Variants in LPP observed in about 807,000 individuals in gnomAD.
LPP encodes LIM domain containing preferred translocation partner in lipoma, also known as lipoma-preferred partner.
A neutral mutation model predicts 60.4 loss-of-function variants in LPP; 38 were observed. The ratio of observed to expected loss-of-function variants is 0.63; its 90% CI spans 0.49 to 0.83. The LOEUF is 0.83. Among genes scored for constraint, LPP ranks in the 40% least tolerant of loss-of-function variants. LPP has a pLI of 0.00. For synonymous variants in LPP, 328 were observed against 290.8 expected, an observed-to-expected ratio of 1.13 and a Z score of -1.30; for missense variants, 902 against 783.6, an observed-to-expected ratio of 1.15 and a Z score of -1.80.
intron 10 of LPP, among the ~76,000 whole-genome samples, chr3:188,869,232 C>T (rs924332862): frequency 1.3e-5 from 2 of 152,070 alleles, no homozygotes; most frequent in African/African-American, 4.8e-5. Flanking sequence ...ATACAGGAGA[C>T]CCATAAGAAG....
At chr3:188,820,453 A>T (rs57777732) in intron 9 of LPP, among the ~76,000 whole-genome samples, 11,867 of 152,170 alleles carry the variant, frequency 0.078, 566 homozygotes, top group African/African-American at 0.13. Flanking sequence ...ATCTGTGTGA[A>T]TCTGTGTGCA....
In LPP at chr3:188,202,427, G is replaced by C. The variant is rs945207291; in HGVS notation, c.-189-22978G>C. ...ACTTGCTGACACCGAAGAGAGATGTGAAAAAGAGAGATTCTTGCATGGACT... is the reference window on the plus strand; with the variant it reads ...ACTTGCTGACACCGAAGAGAGATGTCAAAAAGAGAGATTCTTGCATGGACT... On this transcript the variant is annotated intron_variant, in intron 1 of 11. Coordinates refer to ENST00000617246, the MANE Select transcript of LPP (RefSeq NM_001375462.1). Among the ~76,000 whole-genome samples the C allele has an allele frequency of 3.9e-5, 6 of 152,160 alleles. No individual in the cohort carries two copies. The South Asian group carries it at 8.3e-4, about 21-fold the overall frequency.
At chr3:188,388,154 A>G (rs544055683) in intron 3 of LPP, among the ~76,000 whole-genome samples, 1 of 152,262 alleles carries the variant, frequency 6.6e-6, no homozygotes, top group South Asian at 2.1e-4. Context: ...GAAACATTTT[A>G]GTGAGAATTG....
At chr3:188,338,071 A>G (rs1020436699) in intron 2 of LPP, among the ~76,000 whole-genome samples, 1 of 152,226 alleles carries the variant, frequency 6.6e-6, no homozygotes, top group Admixed American at 6.5e-5. Context: ...GGCCAAAGCA[A>G]TTTACTTTTA....
intron 9 of LPP, among the ~76,000 whole-genome samples, chr3:188,858,994 C>T (rs1764510469): frequency 1.4e-5 from 2 of 147,902 alleles, no homozygotes; most frequent in Non-Finnish European, 3.0e-5. Flanking sequence ...GAGGCTGAGG[C>T]AGGAGAATCG....
At chr3:188,643,231 G>A (rs756770053) in intron 7 of LPP, among the ~76,000 whole-genome samples, 15 of 152,172 alleles carry the variant, frequency 9.9e-5, no homozygotes, top group Non-Finnish European at 2.2e-4. Context: ...GGGCCACACA[G>A]TTAGGTTGCT....
chr3:188,430,917 CT>C (rs113945445), intron 4 of LPP, among the ~76,000 whole-genome samples: 11 of 151,448 alleles, frequency 7.3e-5, no homozygotes, highest in South Asian at 2.1e-4. Flanking sequence ...ACATAATTAA[CT>C]TTTTTTTTCT....
chr3:188,602,174 T>C (rs4686981), intron 6 of LPP, among the ~76,000 whole-genome samples: 1 of 98,592 alleles, frequency 1.0e-5, no homozygotes, highest in African/African-American at 3.1e-5. Context: ...AATATATATA[T>C]ATTATATATA....
At chr3:188,440,424 G>A (rs1051774096) in intron 4 of LPP, among the ~76,000 whole-genome samples, 15 of 152,044 alleles carry the variant, frequency 9.9e-5, no homozygotes, top group South Asian at 2.1e-4. Flanking sequence ...ATCTTACAAA[G>A]CAGTAGCATT....
intron 6 of LPP, among the ~76,000 whole-genome samples, chr3:188,537,988 A>G (rs1305966380): frequency 6.6e-6 from 1 of 152,202 alleles, no homozygotes; most frequent in Non-Finnish European, 1.5e-5. Flanking sequence ...ACGTTCAAAC[A>G]GGGAAAAAAT....
intron 6 of LPP, among the ~76,000 whole-genome samples, chr3:188,555,210 G>C (rs1379172119): frequency 2.0e-5 from 3 of 152,106 alleles, no homozygotes; most frequent in Admixed American, 6.6e-5. Context: ...AGCCAAGGGT[G>C]CCTGAAGCCA....
chr3:188,454,091 C>A (rs181392664), intron 4 of LPP, among the ~76,000 whole-genome samples: 2 of 152,192 alleles, frequency 1.3e-5, no homozygotes, highest in African/African-American at 4.8e-5. Context: ...AAAATTTCTG[C>A]AAGGCAGGTA....
chr3:188,534,831 A>C (rs1172463658), intron 6 of LPP, among the ~76,000 whole-genome samples: 3 of 152,188 alleles, frequency 2.0e-5, no homozygotes, highest in Non-Finnish European at 4.4e-5. Flanking sequence ...TACATATCAC[A>C]ATTTTTCATG....
At chr3:188,564,848 T>C (rs190724075) in intron 6 of LPP, among the ~76,000 whole-genome samples, 14 of 152,056 alleles carry the variant, frequency 9.2e-5, no homozygotes, top group Admixed American at 9.2e-4. Flanking sequence ...TTTCTTCAAT[T>C]TTCCTTCTGT....
intron 5 of LPP, among the ~76,000 whole-genome samples, chr3:188,495,111 ATATATT>A (rs1268919741): frequency 5.0e-4 from 51 of 102,506 alleles, no homozygotes; most frequent in Non-Finnish European, 3.5e-4. Context: ...ATATATTTTT[ATATATT>A]TATATTTATA....
At chr3:188,337,405 G>C (rs1354734440) in intron 2 of LPP, among the ~76,000 whole-genome samples, 1 of 152,206 alleles carries the variant, frequency 6.6e-6, no homozygotes, top group African/African-American at 2.4e-5. Context: ...GAGACTCCAT[G>C]GGTGAGGTCT....
At chr3:188,757,889 G>GTTTTTT (rs750488243) in intron 8 of LPP, among the ~76,000 whole-genome samples, 1,106 of 78,490 alleles carry the variant, frequency 0.014, 70 homozygotes, top group Middle Eastern at 0.06. Context: ...TGTTTTTTTG[G>GTTTTTT]TTTTTTTTTT....
At chr3:188,179,009 AGT>A in intron 1 of LPP, 1 of 295,824 alleles carries the variant, frequency 3.4e-6, no homozygotes, top group South Asian at 2.7e-5. Flanking sequence ...AGAGAGAGAG[AGT>A]GAGCAAGAGA....
Position 188,354,836 on chromosome 3 carries a change from G to C in LPP, c.-10+13117G>C, listed in dbSNP as rs2140091. On this transcript the variant is annotated intron_variant, in intron 3 of 11. Transcript: ENST00000617246. Reference sequence around the variant, plus strand: ...GCGCGTGCGCGCACACACACACACAGACACACACACACAGGGAGGACAAAA... The same window carrying C: ...GCGCGTGCGCGCACACACACACACACACACACACACACAGGGAGGACAAAA... Among the ~76,000 whole-genome samples, 377 of 151,506 alleles carry C rather than the reference G, an allele frequency of 2.5e-3. 1 individual carries two copies. Among genetic ancestry groups the C allele is most frequent in the Admixed American group, 4.0e-3 (61 of 15,224 alleles).
Sources: allele counts gnomAD v4.1 joint callset (sites outside exome capture counted in the v4.1 genomes callset), GRCh38; gene constraint gnomAD v4.1.1; transcripts MANE v1.5; gene names NCBI Gene and HGNC (gene_info 2026-07-23, HGNC 2026-07-21).